The following METTL15 variants were observed in gnomAD, a reference collection of about 807,000 sequenced individuals.
METTL15 encodes 12S rRNA N(4)-cytidine methyltransferase METTL15.
A neutral mutation model predicts 38.3 loss-of-function variants in METTL15; 34 were observed. The ratio of observed to expected loss-of-function variants is 0.89; its 90% CI spans 0.68 to 1.18. METTL15 has a LOEUF of 1.18. METTL15 is among the 50% of genes most tolerant of loss of function. METTL15 has a pLI of 0.00. For missense variants in METTL15, 438 were observed against 498.4 expected, an observed-to-expected ratio of 0.88 and a Z score of 1.15; for synonymous variants, 162 against 170.9, an observed-to-expected ratio of 0.95 and a Z score of 0.41.
At chr11:28,202,599 A>C (rs1253585643) in intron 3 of METTL15, among the ~76,000 whole-genome samples, 1 of 152,054 alleles carries the variant, frequency 6.6e-6, no homozygotes, top group Admixed American at 6.6e-5. Flanking sequence ...TAACATTTTA[A>C]ATTACCTCCT....
At chr11:28,398,611 C>T (rs1045196141) in intron 5 of METTL15, among the ~76,000 whole-genome samples, 5 of 152,140 alleles carry the variant, frequency 3.3e-5, no homozygotes, top group Non-Finnish European at 7.4e-5. Flanking sequence ...AATTTTCTCA[C>T]ATTCTGTAGG....
chr11:28,330,383 A>T lies in METTL15; in HGVS notation c.779-13A>T. ...CCGGTCTTCTTTTCCTATCTTTACA[A>T]CATTTGTTTTAGGAGCATTTCCTCC... is the stretch of plus-strand genomic sequence containing the variant. On this transcript the variant is annotated splice_polypyrimidine_tract_variant and intron_variant, in intron 6 of 6. Coordinates refer to ENST00000407364, the MANE Select transcript of METTL15 (RefSeq NM_001113528.2). The T allele has an allele frequency of 6.6e-7, 1 of 1,525,742 alleles. No individual in the cohort carries two copies. Among genetic ancestry groups the T allele is most frequent in the Non-Finnish European group, 8.8e-7 (1 of 1,136,246 alleles). The allele number at this position is 1,525,742 out of a possible 1,614,324, so 94.5% of individuals were successfully genotyped here.
intron 3 of METTL15, among the ~76,000 whole-genome samples, chr11:28,202,302 A>G (rs1852145907): frequency 6.6e-6 from 1 of 152,052 alleles, no homozygotes; most frequent in South Asian, 2.1e-4. Flanking sequence ...AGAAGATAGG[A>G]TGAACTCTGA....
chr11:28,429,280 C>T (rs1312780255), intron 6 of METTL15, among the ~76,000 whole-genome samples: 1 of 151,918 alleles, frequency 6.6e-6, no homozygotes, highest in African/African-American at 2.4e-5. Context: ...TAAAGAAGAT[C>T]GAAAGTCAAG....
chr11:28,479,462 T>C (rs1851377358), intron 6 of METTL15, among the ~76,000 whole-genome samples: 1 of 152,164 alleles, frequency 6.6e-6, no homozygotes, highest in Non-Finnish European at 1.5e-5. Context: ...GTTGTCTCTC[T>C]GAAGAACCCT....
intron 4 of METTL15, among the ~76,000 whole-genome samples, chr11:28,288,424 T>G (rs1217483346): frequency 2.0e-4 from 30 of 152,100 alleles, no homozygotes; most frequent in Non-Finnish European, 1.5e-4. Flanking sequence ...AAATGCCCAT[T>G]AATGGTAGAC....
chr11:28,129,157 C>CA lies in METTL15; in HGVS notation c.270+15556dup, dbSNP rs535505877. ...TTAGCTTACAAAGGTATTCCTCTGTCAAACACTTGAGGAATCTTTTAGATG... is the reference window on the plus strand; with the variant it reads ...TTAGCTTACAAAGGTATTCCTCTGTCAAAACACTTGAGGAATCTTTTAGATG... On this transcript the variant is annotated intron_variant, in intron 3 of 6. Coordinates refer to ENST00000407364, the MANE Select transcript of METTL15 (RefSeq NM_001113528.2). Among the ~76,000 whole-genome samples the CA allele has an allele frequency of 1.2e-4, 18 of 152,272 alleles. No homozygotes were observed. The South Asian group carries it at 3.7e-3, about 32-fold the overall frequency.
chr11:28,477,448 C>G (rs1452388045), intron 6 of METTL15: 1 of 152,134 alleles, frequency 6.6e-6, no homozygotes. Flanking sequence ...TCCCAAAGTG[C>G]TGGGCATATT....
chr11:28,313,831 C>G (rs1048627832), intron 6 of METTL15, among the ~76,000 whole-genome samples: 1 of 151,858 alleles, frequency 6.6e-6, no homozygotes, highest in Admixed American at 6.6e-5. Context: ...ATAATTTGGG[C>G]ATATTTAAGG....
At chr11:28,344,673 C>T (rs891919839) in intron 3 of METTL15, among the ~76,000 whole-genome samples, 8 of 152,138 alleles carry the variant, frequency 5.3e-5, no homozygotes, top group African/African-American at 1.7e-4. Context: ...ATTTTGTCAT[C>T]AATTAATATG....
chr11:28,176,280 G>A (rs962041232), intron 3 of METTL15, among the ~76,000 whole-genome samples: 1 of 152,002 alleles, frequency 6.6e-6, no homozygotes, highest in African/African-American at 2.4e-5. Flanking sequence ...TGTTGCTTGT[G>A]TTTATACAGT....
chr11:28,403,029 A>G (rs1030002782), intron 5 of METTL15, among the ~76,000 whole-genome samples: 1 of 152,008 alleles, frequency 6.6e-6, no homozygotes, highest in Admixed American at 6.6e-5. Flanking sequence ...TGCCTGGAAC[A>G]TTCTTGCTCA....
intron 6 of METTL15, among the ~76,000 whole-genome samples, chr11:28,431,214 G>A (rs1850924513): frequency 7.3e-6 from 1 of 136,662 alleles, no homozygotes; most frequent in African/African-American, 2.5e-5. Flanking sequence ...GGGCGCCTCT[G>A]CCCGGCCGCC....
chr11:28,427,478 C>T lies in METTL15; in HGVS notation c.*424+3114C>T, dbSNP rs113985529. Among the ~76,000 whole-genome samples, 84 of 152,106 alleles carry T rather than the reference C, an allele frequency of 5.5e-4. 1 individual carries two copies. Among genetic ancestry groups the T allele is most frequent in the Admixed American group, 1.8e-3 (27 of 15,274 alleles). The stretch of plus-strand genomic sequence containing the variant: ...TTTCCAATTCTGTGAATAATGTCAA[C>T]GGTAGTTTAATGGGAATAGCATTGA... On this transcript the variant is annotated intron_variant and NMD_transcript_variant, in intron 6 of 7. Coordinates refer to the METTL15 transcript ENST00000532947.
intron 6 of METTL15, among the ~76,000 whole-genome samples, chr11:28,489,992 A>G (rs1386043720): frequency 6.6e-6 from 1 of 152,098 alleles, no homozygotes; most frequent in Non-Finnish European, 1.5e-5. Context: ...GTCTCCCTTC[A>G]GAAGCATTTA....
chr11:28,252,473 C>G (rs1418667085), intron 4 of METTL15, among the ~76,000 whole-genome samples: 1 of 152,118 alleles, frequency 6.6e-6, no homozygotes, highest in Non-Finnish European at 1.5e-5. Flanking sequence ...GAAACATTAA[C>G]TGTCTCACAT....
chr11:28,426,367 A>G (rs1850864161), intron 6 of METTL15, among the ~76,000 whole-genome samples: 1 of 151,976 alleles, frequency 6.6e-6, no homozygotes, highest in Admixed American at 6.6e-5. Context: ...TTGATTCCAT[A>G]TCTTTGCTAT....
intron 6 of METTL15, among the ~76,000 whole-genome samples, chr11:28,426,941 A>G (rs1850871047): frequency 6.6e-6 from 1 of 151,752 alleles, no homozygotes; most frequent in African/African-American, 2.4e-5. Flanking sequence ...CTCTTTAATT[A>G]GATCCCATTT....
Position 28,320,481 on chromosome 11 carries a change from T to C in METTL15, c.779-9915T>C, listed in dbSNP as rs76990902. Among the ~76,000 whole-genome samples the C allele has an allele frequency of 7.1e-3, 1,075 of 152,036 alleles. 11 individuals carry two copies. The highest frequency in any genetic ancestry group is 0.025 in the African/African-American group (1,035 of 41,484). ...GGGCTAAGATGGGAGGATCACTTGA[T>C]CCCAGGGTTCAAGGCTGCAGTGTGA... On this transcript the variant is annotated intron_variant, in intron 6 of 6. Transcript: ENST00000407364.
Sources: gnomAD v4.1 joint callset for allele counts (sites outside exome capture counted in the v4.1 genomes callset) on GRCh38, gnomAD v4.1.1 for gene constraint, MANE v1.5 for transcripts, NCBI Gene and HGNC (gene_info 2026-07-23, HGNC 2026-07-21) for gene names.